Variants in SLC23A1 observed in about 807,000 individuals in gnomAD.
The protein encoded by SLC23A1 is Na(+)/L-ascorbic acid transporter 1.
SLC23A1 carries 31 observed loss-of-function variants against 62.5 expected under a neutral mutation model. That is an observed-to-expected ratio of 0.50 (90% confidence interval 0.37 to 0.67). The LOEUF is 0.67. SLC23A1 is among the 30% of genes least tolerant of loss of function. SLC23A1 has a pLI of 0.00. For missense variants in SLC23A1, 640 were observed against 782.7 expected, an observed-to-expected ratio of 0.82 and a Z score of 2.18; for synonymous variants, 271 against 313.2, an observed-to-expected ratio of 0.87 and a Z score of 1.42.
In SLC23A1 at chr5:139,379,974, C is replaced by G; in HGVS notation, c.750G>C (p.Gln250His). Reference protein sequence around the residue: ...WGKGLTLLRIQIFKMFPIMLA... With the variant: ...WGKGLTLLRIHIFKMFPIMLA... Reference sequence around the variant, plus strand: ...TCCTCACAGGAAACATTTTGAAGATCTGGATGCGGAGGAGAGTGAGGCCCT... The same window carrying G: ...TCCTCACAGGAAACATTTTGAAGATGTGGATGCGGAGGAGAGTGAGGCCCT... The change falls in exon 7 of 15, where the codon CAG (glutamine) becomes CAC (histidine). Residue 250 changes from glutamine to histidine, a missense_variant. Gln to His is a conservative substitution (Grantham distance 24). Coordinates refer to ENST00000348729, the MANE Select transcript of SLC23A1 (RefSeq NM_005847.5). This position sits in a 1 kb window ranked among gnomAD's most constrained non-coding sequence, Gnocchi z 4.7. The G allele has an allele frequency of 6.2e-7, 1 of 1,614,104 alleles. No homozygotes were observed. Among genetic ancestry groups the G allele is most frequent in the Non-Finnish European group, 8.5e-7 (1 of 1,180,022 alleles).
In SLC23A1 at chr5:139,378,704, C is replaced by A. The variant is rs1758077972; in HGVS notation, c.1074-20G>T. On this transcript the variant is annotated intron_variant, in intron 9 of 14. Coordinates refer to ENST00000348729, the MANE Select transcript of SLC23A1 (RefSeq NM_005847.5). The surrounding 1 kb of genome is among the most constrained non-coding windows in gnomAD (Gnocchi z 4.5). ...ATGCCCCTGTAAGGAAAGGGAGAGT[C>A]GGGGCTTGGTCCAGCCTCTGCACCA... 1 of 1,561,540 alleles carries A rather than the reference C, an allele frequency of 6.4e-7. No homozygotes were observed. Among genetic ancestry groups the A allele is most frequent in the East Asian group, 2.3e-5 (1 of 43,170 alleles).
intron 13 of SLC23A1, among the ~76,000 whole-genome samples, chr5:139,374,340 C>T (rs1218398923): frequency 2.0e-5 from 3 of 152,092 alleles, no homozygotes; most frequent in Non-Finnish European, 4.4e-5. Flanking sequence ...CCCAGCTACT[C>T]GGGAGGCTGA....
chr5:139,369,936 G>C (rs1757549894), intron 14 of SLC23A1, among the ~76,000 whole-genome samples: 1 of 152,228 alleles, frequency 6.6e-6, no homozygotes, highest in Non-Finnish European at 1.5e-5. Flanking sequence ...TCAGACTTCA[G>C]TGTCAGGGGA....
Position 139,378,657 on chromosome 5 carries a change from G to A in SLC23A1, c.1101C>T (p.Cys367=). ...NRGIFTEGIC[C]IIAGLLGTGN... is the part of the protein sequence containing the mutation. Reference sequence around the variant, plus strand: ...CCGTGCCCAATAGCCCCGCGATGATGCAGCAAATGCCTTCGGTGAAGATGC... The same window carrying A: ...CCGTGCCCAATAGCCCCGCGATGATACAGCAAATGCCTTCGGTGAAGATGC... The change falls in exon 10 of 15, where the codon TGC becomes TGT. Residue 367 remains cysteine, a synonymous_variant. Transcript: ENST00000348729. This position sits in a 1 kb window ranked among gnomAD's most constrained non-coding sequence, Gnocchi z 4.5. The A allele has an allele frequency of 6.2e-7, 1 of 1,611,454 alleles. No homozygotes were observed. The highest frequency in any genetic ancestry group is 8.5e-7 in the Non-Finnish European group (1 of 1,178,862).
upstream of SLC23A1, chr5:139,383,393 G>T: frequency 6.8e-7 from 1 of 1,467,274 alleles, no homozygotes; most frequent in Non-Finnish European, 9.0e-7. Flanking sequence ...GATTGCGAAA[G>T]GGGGGCCCGG....
chr5:139,384,321 G>A, upstream of SLC23A1: 1 of 1,251,298 alleles, frequency 8.0e-7, no homozygotes, highest in Non-Finnish European at 1.0e-6. Context: ...GTTCCCCTCT[G>A]GGCTGCCCCA....
rs1185639165 is a variant in SLC23A1, at chr5:139,379,728, G to A, written c.875C>T (p.Ala292Val). The A allele has an allele frequency of 6.2e-7, 1 of 1,614,106 alleles. No individual in the cohort carries two copies. The highest frequency in any genetic ancestry group is 8.5e-7 in the Non-Finnish European group (1 of 1,179,992). The part of the protein sequence containing the change: ...KAYGFQARTD[A>V]RGDIMAIAPW... ...TGCAATAGCCATGATGTCACCACGGGCATCGGTTCGTGCCTGGAAGCCATA... is the reference window on the plus strand; with the variant it reads ...TGCAATAGCCATGATGTCACCACGGACATCGGTTCGTGCCTGGAAGCCATA... The change falls in exon 8 of 15, where the codon GCC becomes GTC. Residue 292 changes from alanine to valine, a missense_variant. Transcript: ENST00000348729. This position sits in a 1 kb window ranked among gnomAD's most constrained non-coding sequence, Gnocchi z 4.7.
intron 13 of SLC23A1, among the ~76,000 whole-genome samples, chr5:139,375,770 G>A (rs1235044775): frequency 2.0e-5 from 3 of 151,820 alleles, no homozygotes; most frequent in Non-Finnish European, 4.4e-5. Flanking sequence ...AGGAGGCGGA[G>A]GTGGCAGTGA....
At chr5:139,368,684 A>G (rs1757455958) in intron 14 of SLC23A1, 1 of 1,244,996 alleles carries the variant, frequency 8.0e-7, no homozygotes, top group Non-Finnish European at 1.2e-6. Context: ...TTGAATTAGT[A>G]CCTGAAACTG....
intron 5 of SLC23A1, 59 bp downstream of exon 5, chr5:139,380,506 C>G (rs747385175): frequency 1.9e-6 from 3 of 1,594,212 alleles, no homozygotes; most frequent in Admixed American, 1.7e-5. Flanking sequence ...CGGCCACCCT[C>G]ACTCCCATAT....
Position 139,383,276 on chromosome 5 carries a change from G to A in SLC23A1, c.-23C>T. ...CATCTTTGGGGCACAGGTTTGAGCA[G>A]TTCCTGAGGAGAAGAGGGGATGACT... On this transcript the variant is annotated 5_prime_UTR_variant, in exon 1 of 15. Transcript: ENST00000348729. The A allele has an allele frequency of 6.2e-7, 1 of 1,604,548 alleles. No individual in the cohort carries two copies. The highest frequency in any genetic ancestry group is 8.5e-7 in the Non-Finnish European group (1 of 1,175,610).
intron 6 of SLC23A1, 21 bp downstream of exon 6, chr5:139,380,187 T>A: frequency 1.3e-6 from 2 of 1,555,796 alleles, no homozygotes; most frequent in South Asian, 1.2e-5. Context: ...TGGGCAGGGA[T>A]CAGGCCTGGT....
At chr5:139,372,297 C>A (rs1348274452) in intron 13 of SLC23A1, 44 bp from the exon 14 acceptor site, 5 of 1,581,228 alleles carry the variant, frequency 3.2e-6, no homozygotes, top group Non-Finnish European at 4.3e-6. Context: ...CAGCAACCCT[C>A]AGCCACCCCC....
upstream of SLC23A1, among the ~76,000 whole-genome samples, chr5:139,383,669 T>A (rs1758398120): frequency 6.6e-6 from 1 of 152,236 alleles, no homozygotes; most frequent in South Asian, 2.1e-4. Flanking sequence ...ATTATCATCA[T>A]CATCATAGTC....
chr5:139,376,310 C>T (rs1303626385), intron 13 of SLC23A1, among the ~76,000 whole-genome samples: 3 of 151,960 alleles, frequency 2.0e-5, no homozygotes, highest in Non-Finnish European at 4.4e-5. Flanking sequence ...GCTGGGATTA[C>T]AGGCACACAC....
intron 14 of SLC23A1, chr5:139,368,813 CT>C: frequency 6.3e-7 from 1 of 1,583,568 alleles, no homozygotes. Context: ...ACGGGGCCCT[CT>C]TTTGGTGGAT....
rs1188263192 is a variant in SLC23A1 at position 139,378,178 on chromosome 5, T to TCGGCGACCCGCA, written c.1309+32_1309+43dup. 2.5e-6 allele frequency: 4 copies of TCGGCGACCCGCA among 1,612,756 alleles called. No individual in the cohort carries two copies. In the African/African-American group the frequency reaches 5.3e-5, roughly 22 times the overall value. On this transcript the variant is annotated intron_variant, in intron 11 of 14. Coordinates refer to ENST00000348729, the MANE Select transcript of SLC23A1 (RefSeq NM_005847.5). The surrounding 1 kb of genome is among the most constrained non-coding windows in gnomAD (Gnocchi z 4.5). ...CACGCGTAATCCAGGTGAGTCCCAC[T>TCGGCGACCCGCA]CGGCGACCCGCACCGCGACCCGTGG... is the stretch of plus-strand genomic sequence containing the variant.
intron 14 of SLC23A1, chr5:139,368,825 G>A (rs769594099): frequency 3.2e-5 from 48 of 1,518,794 alleles, no homozygotes; most frequent in Non-Finnish European, 4.0e-5. Context: ...TTTGGTGGAT[G>A]TAGCACAATT....
intron 1 of SLC23A1, 25 bp downstream of exon 1, chr5:139,383,190 CCTA>C: frequency 9.4e-6 from 4 of 425,896 alleles, no homozygotes; most frequent in Non-Finnish European, 1.4e-5. Flanking sequence ...CCCTGCCCCC[CCTA>C]GCCCCCACCC....
Sources: allele counts gnomAD v4.1 joint callset (sites outside exome capture counted in the v4.1 genomes callset), GRCh38; gene constraint gnomAD v4.1.1; non-coding constraint Gnocchi (gnomAD v3.1); transcripts MANE v1.5; gene names NCBI Gene and HGNC (gene_info 2026-07-23, HGNC 2026-07-21).